The following FYB2 variants were observed in gnomAD, a reference collection of about 807,000 sequenced individuals.
FYB2 encodes the protein FYN binding protein 2, also known as FYN-binding protein 2.
In FYB2, 103 loss-of-function variants were observed where a neutral mutation model predicts 94.1. The ratio of observed to expected loss-of-function variants is 1.09; its 90% CI spans 0.93 to 1.29. The LOEUF is 1.29. Among genes scored for constraint, FYB2 ranks in the 50% most tolerant of loss-of-function variants. FYB2 has a pLI of 0.00. For missense variants in FYB2, 896 were observed against 841.5 expected (o/e 1.06, Z -0.80); for synonymous variants, 293 against 287.9 (o/e 1.02, Z -0.18).
At chr1:56,793,773 GGAT>G (rs373382604) in intron 1 of FYB2, among the ~76,000 whole-genome samples, 261 of 144,516 alleles carry the variant, frequency 1.8e-3, no homozygotes, top group Middle Eastern at 0.016. Context: ...TTTCACCTGT[GGAT>G]GACAGACACA....
intron 16 of FYB2, among the ~76,000 whole-genome samples, chr1:56,724,459 C>T (rs1644547627): frequency 6.6e-6 from 1 of 151,772 alleles, no homozygotes; most frequent in Admixed American, 6.6e-5. Flanking sequence ...CCTAAGTGTC[C>T]CCTACATTTG....
chr1:56,803,499 C>G (rs1646568660), intron 1 of FYB2, among the ~76,000 whole-genome samples: 1 of 152,216 alleles, frequency 6.6e-6, no homozygotes, highest in South Asian at 2.1e-4. Flanking sequence ...CCTGGTTCAG[C>G]ATGTTGTCTT....
chr1:56,740,687 G>C lies in FYB2; in HGVS notation c.1703+10C>G. ...CCCCTCGTGGAAAGGGATTTAAAGG[G>C]ACTTTTTACCTTAAGTTTTCTTTCG... On this transcript the variant is annotated intron_variant, in intron 13 of 19. Coordinates refer to ENST00000343433, the MANE Select transcript of FYB2 (RefSeq NM_001004303.5). 2 of 1,530,080 alleles carry C rather than the reference G, an allele frequency of 1.3e-6. No individual in the cohort carries two copies. 94.8% of individuals were successfully genotyped at this position (1,530,080 alleles called of 1,614,324 possible). A position where few individuals can be genotyped will look rare whatever the true frequency, so the allele number is the denominator to read the frequency against.
chr1:56,726,035 T>C (rs977247898), intron 16 of FYB2, among the ~76,000 whole-genome samples: 2 of 152,054 alleles, frequency 1.3e-5, no homozygotes, highest in African/African-American at 4.8e-5. Flanking sequence ...CAGTAAAACA[T>C]TTTCTTGTAA....
intron 1 of FYB2, among the ~76,000 whole-genome samples, chr1:56,802,549 G>A (rs567045186): frequency 6.6e-6 from 1 of 152,322 alleles, no homozygotes; most frequent in Admixed American, 6.5e-5. Flanking sequence ...CATAGACACA[G>A]GCATGGAGGT....
intron 4 of FYB2, among the ~76,000 whole-genome samples, chr1:56,782,063 G>A (rs79857069): frequency 3.3e-5 from 5 of 152,234 alleles, no homozygotes; most frequent in Non-Finnish European, 7.4e-5. Context: ...GATGTGTAAA[G>A]TTCAAATCAG....
intron 6 of FYB2, 85 bp from the exon 7 acceptor site, chr1:56,756,012 A>C (rs1211183591): frequency 3.8e-6 from 5 of 1,331,122 alleles, no homozygotes; most frequent in Non-Finnish European, 4.3e-6. Context: ...TAGAGACTAC[A>C]CCAAAAGGTG....
intron 1 of FYB2, among the ~76,000 whole-genome samples, chr1:56,816,279 T>C (rs76820406): frequency 0.019 from 2,817 of 152,040 alleles, 42 homozygotes; most frequent in Admixed American, 0.049. Context: ...GTCTGGAGGG[T>C]ACTGATTTTA....
chr1:56,724,129 A>G (rs757946959), intron 16 of FYB2, among the ~76,000 whole-genome samples: 2 of 151,872 alleles, frequency 1.3e-5, no homozygotes, highest in African/African-American at 2.4e-5. Context: ...AATGGAAACC[A>G]GTAAGAATAA....
intron 1 of FYB2, among the ~76,000 whole-genome samples, chr1:56,808,128 T>C (rs1013801232): frequency 6.6e-6 from 1 of 152,190 alleles, no homozygotes; most frequent in Non-Finnish European, 1.5e-5. Context: ...GCCCTTTTCA[T>C]ACATTATTTT....
intron 7 of FYB2, among the ~76,000 whole-genome samples, chr1:56,754,990 T>G (rs1433051283): frequency 3.3e-5 from 5 of 151,908 alleles, no homozygotes; most frequent in Non-Finnish European, 5.9e-5. Context: ...CTAAAGCAGG[T>G]TTTCTCCATG....
rs1265537745 is a variant in FYB2, at chr1:56,726,580, A to G, written c.1797T>C (p.Asp599=). Residue 599 remains aspartate, a synonymous_variant, in exon 16 of 20, where the codon GAT becomes GAC. Transcript: ENST00000343433. ...DVDLSEKESK[D]EDKLKMWKPK... ...GCTTCCACATTTTCAGTTTATCTTC[A>G]TCTCTGAGGAGAAATATATTTTGAG... is the stretch of plus-strand genomic sequence containing the variant. 1.9e-6 allele frequency: 3 copies of G among 1,607,516 alleles called. No individual in the cohort carries two copies. Among genetic ancestry groups the G allele is most frequent in the African/African-American group, 2.7e-5 (2 of 74,406 alleles).
chr1:56,775,612 G>C (rs756546178), intron 4 of FYB2, among the ~76,000 whole-genome samples: 1 of 152,196 alleles, frequency 6.6e-6, no homozygotes, highest in Non-Finnish European at 1.5e-5. Context: ...AGAGTAGTTA[G>C]CAGCAGAGAT....
In FYB2 at chr1:56,744,015, C is replaced by G. The variant is rs751922968; in HGVS notation, c.1543+11G>C. 3 of 1,611,406 alleles carry G rather than the reference C, an allele frequency of 1.9e-6. No homozygotes were observed. Among genetic ancestry groups the G allele is most frequent in the Non-Finnish European group, 2.5e-6 (3 of 1,178,850 alleles). ...CTACTGGCAACTTCAGAAATGTCTTCCTATACTTACCACTACTTGAGGCAA... is the reference window on the plus strand; with the variant it reads ...CTACTGGCAACTTCAGAAATGTCTTGCTATACTTACCACTACTTGAGGCAA... On this transcript the variant is annotated intron_variant, in intron 11 of 19. Coordinates refer to ENST00000343433, the MANE Select transcript of FYB2 (RefSeq NM_001004303.5).
At chr1:56,801,706 T>C (rs925592006) in intron 1 of FYB2, among the ~76,000 whole-genome samples, 4 of 152,208 alleles carry the variant, frequency 2.6e-5, no homozygotes, top group Non-Finnish European at 5.9e-5. Context: ...ATTAGCCTCA[T>C]GGGCCTTAGC....
chr1:56,756,999 C>T (rs1159816344), intron 6 of FYB2, among the ~76,000 whole-genome samples: 3 of 152,118 alleles, frequency 2.0e-5, no homozygotes, highest in African/African-American at 7.2e-5. Context: ...TATGTTGACT[C>T]AGTCCCTTAT....
chr1:56,815,213 C>T (rs747727716), intron 1 of FYB2, among the ~76,000 whole-genome samples: 16 of 152,100 alleles, frequency 1.1e-4, no homozygotes, highest in Non-Finnish European at 5.9e-5. Flanking sequence ...CGCCCATGCT[C>T]TCCCTTCTGC....
chr1:56,772,200 G>C (rs1645774178), intron 4 of FYB2, among the ~76,000 whole-genome samples: 2 of 151,944 alleles, frequency 1.3e-5, no homozygotes, highest in East Asian at 3.9e-4. Context: ...TTATTAATAA[G>C]AAACAATTTG....
At chr1:56,752,064 G>A (rs1645212299) in intron 8 of FYB2, among the ~76,000 whole-genome samples, 1 of 151,970 alleles carries the variant, frequency 6.6e-6, no homozygotes, top group Non-Finnish European at 1.5e-5. Context: ...GGGGATTTGG[G>A]GAAGTGTTTG....
Sources: allele counts gnomAD v4.1 joint callset (sites outside exome capture counted in the v4.1 genomes callset), GRCh38; gene constraint gnomAD v4.1.1; transcripts MANE v1.5; gene names NCBI Gene and HGNC (gene_info 2026-07-23, HGNC 2026-07-21).